Variants in GATM observed in about 807,000 individuals in gnomAD.
The protein encoded by GATM is glycine amidinotransferase, mitochondrial.
GATM carries 23 observed loss-of-function variants against 54.2 expected under a neutral mutation model. The ratio of observed to expected loss-of-function variants is 0.42; its 90% CI spans 0.31 to 0.60. The LOEUF (loss-of-function observed/expected upper bound fraction) is 0.60, where lower values mean the gene tolerates loss of function less well. Ranked by LOEUF, GATM falls within the 20% of genes least tolerant of loss-of-function variation. The pLI is 0.14. For missense variants in GATM, 401 were observed against 544.9 expected (o/e 0.74, Z 2.63); for synonymous variants, 168 against 183.1 (o/e 0.92, Z 0.67).
Position 45,400,975 on chromosome 15 carries a change from T to TA in GATM, c.-530+963dup, listed in dbSNP as rs59542463. On this transcript the variant is annotated intron_variant, in intron 1 of 4. Coordinates refer to the GATM transcript ENST00000561148. Reference sequence around the variant, plus strand: ...TCGGTAAAAACGATGGCTTTTTTTTTATTTCAAAAAATGCAAAGCTGTTAT... The same window carrying TA: ...TCGGTAAAAACGATGGCTTTTTTTTTAATTTCAAAAAATGCAAAGCTGTTAT... Among the ~76,000 whole-genome samples, 313 of 151,944 alleles carry TA rather than the reference T, an allele frequency of 2.1e-3. 1 individual carries two copies. The highest frequency in any genetic ancestry group is 4.3e-3 in the African/African-American group (179 of 41,352).
At chr15:45,379,727 C>G (rs1309378599), upstream of GATM, 1 of 152,412 alleles carries the variant, frequency 6.6e-6, no homozygotes, top group African/African-American at 2.4e-5. Flanking sequence ...GTGGCTCACG[C>G]CTGTAATCCC....
At chr15:45,377,608 C>A (rs1257162513) in intron 1 of GATM, 4 of 243,338 alleles carry the variant, frequency 1.6e-5, no homozygotes, top group Admixed American at 5.1e-5. Context: ...AAATCTCTAT[C>A]CTGCTCTGTT....
At chr15:45,366,565 T>C (rs2140642088) in intron 4 of GATM, 57 bp from the exon 5 acceptor site, 3 of 1,591,388 alleles carry the variant, frequency 1.9e-6, no homozygotes, top group East Asian at 4.5e-5. Context: ...AAATTATTCA[T>C]AAGGCATACA....
At chr15:45,372,990 T>C (rs1889567335) in intron 2 of GATM, among the ~76,000 whole-genome samples, 1 of 152,258 alleles carries the variant, frequency 6.6e-6, no homozygotes, top group African/African-American at 2.4e-5. Flanking sequence ...TATGTCTGCA[T>C]TCCTTGAACC....
chr15:45,398,487 A>G (rs1237232640), intron 2 of GATM, among the ~76,000 whole-genome samples: 1 of 152,226 alleles, frequency 6.6e-6, no homozygotes, highest in Non-Finnish European at 1.5e-5. Flanking sequence ...GAATTACTCT[A>G]AAGACTAATT....
upstream of GATM, among the ~76,000 whole-genome samples, chr15:45,382,935 A>G (rs1356622263): frequency 6.6e-6 from 1 of 152,194 alleles, no homozygotes; most frequent in Non-Finnish European, 1.5e-5. Flanking sequence ...AATTCCAGGT[A>G]AACTGATGGA....
chr15:45,380,346 G>A (rs1050350704), upstream of GATM: 5 of 151,856 alleles, frequency 3.3e-5, no homozygotes, highest in African/African-American at 1.2e-4. Flanking sequence ...AGTAAGTCTA[G>A]GTTCATAACT....
chr15:45,385,389 A>T (rs1889793117), intron 3 of GATM, among the ~76,000 whole-genome samples: 1 of 152,204 alleles, frequency 6.6e-6, no homozygotes, highest in Admixed American at 6.5e-5. Flanking sequence ...GACCAACAAC[A>T]ATTAAAGAAT....
chr15:45,372,191 G>A (rs1331124855), intron 2 of GATM, among the ~76,000 whole-genome samples: 4 of 152,194 alleles, frequency 2.6e-5, no homozygotes, highest in African/African-American at 9.7e-5. Context: ...ATTGTCTATG[G>A]CTGCTTTTGC....
chr15:45,363,867 T>C (rs1306630576), intron 8 of GATM, 33 bp downstream of exon 8: 1 of 1,249,348 alleles, frequency 8.0e-7, no homozygotes, highest in Non-Finnish European at 1.2e-6. Flanking sequence ...AACGTTTTCA[T>C]GTATGACAAC....
rs377578020 is a variant in GATM at position 45,368,180 on chromosome 15, G to A, written c.565C>T (p.Arg189Cys). The change falls in exon 4 of 9, where the codon CGC becomes TGC. Residue 189 changes from arginine (R) to cysteine (C), a missense_variant. Coordinates refer to ENST00000396659, the MANE Select transcript of GATM (RefSeq NM_001482.3). The surrounding 1 kb of genome is among the most constrained non-coding windows in gnomAD (Gnocchi z 5.1). ...CTGTACGCTCGGTACTCAAAGAAGC[G>A]TGAACGCCATGCCATGGGAGCCTCG... Reference protein sequence around the residue: ...IIEAPMAWRSRFFEYRAYRSI... With the variant: ...IIEAPMAWRSCFFEYRAYRSI... 9 of 1,613,988 alleles carry A rather than the reference G, an allele frequency of 5.6e-6. No individual in the cohort carries two copies. In the East Asian group the frequency reaches 6.7e-5, roughly 12 times the overall value.
At chr15:45,362,297 T>C in intron 8 of GATM, 76 bp from the exon 9 acceptor site, 1 of 871,880 alleles carries the variant, frequency 1.1e-6, no homozygotes, top group Non-Finnish European at 1.9e-6. Context: ...GCCTACAGAC[T>C]TGGAGGAGTC....
chr15:45,363,170 G>C (rs1221257630), intron 8 of GATM, among the ~76,000 whole-genome samples: 1 of 152,090 alleles, frequency 6.6e-6, no homozygotes, highest in Non-Finnish European at 1.5e-5. Context: ...TACTCAGGAG[G>C]CTGCGGCAGG....
upstream of GATM, chr15:45,378,689 C>A: frequency 5.1e-6 from 2 of 393,194 alleles, no homozygotes; most frequent in Non-Finnish European, 4.6e-6. Context: ...CGGCCGCTGG[C>A]TCGAGCCTCC....
chr15:45,363,079 T>G (rs946386877), intron 8 of GATM, among the ~76,000 whole-genome samples: 5 of 152,170 alleles, frequency 3.3e-5, no homozygotes, highest in African/African-American at 9.6e-5. Context: ...GGTCAGGAGT[T>G]CGAGACCAGC....
At chr15:45,365,219 T>G (rs1889428989) in intron 6 of GATM, among the ~76,000 whole-genome samples, 2 of 152,200 alleles carry the variant, frequency 1.3e-5, no homozygotes, top group South Asian at 4.1e-4. Context: ...AAAATGTGAC[T>G]ACATCAAACC....
chr15:45,365,920 A>T lies in GATM; in HGVS notation c.978+126T>A, dbSNP rs1281858784. ...AGGAATCCAATGTTTGATCATAATAATGTTGAGTACTGCTGAATCTGTCAT... is the reference window on the plus strand; with the variant it reads ...AGGAATCCAATGTTTGATCATAATATTGTTGAGTACTGCTGAATCTGTCAT... On this transcript the variant is annotated intron_variant, in intron 6 of 8. Transcript: ENST00000396659. The T allele has an allele frequency of 6.9e-5, 59 of 857,964 alleles. 1 individual carries two copies. In the South Asian group the frequency reaches 7.6e-4, roughly 11 times the overall value. 53.1% of individuals were successfully genotyped at this position (857,964 alleles called of 1,614,324 possible).
intron 2 of GATM, among the ~76,000 whole-genome samples, chr15:45,375,495 A>G (rs1324180724): frequency 6.6e-6 from 1 of 152,216 alleles, no homozygotes; most frequent in Non-Finnish European, 1.5e-5. Flanking sequence ...GCACAGGAAG[A>G]TGGATGGAAG....
At chr15:45,364,082 G>C in intron 7 of GATM, 66 bp from the exon 8 acceptor site, 1 of 906,208 alleles carries the variant, frequency 1.1e-6, no homozygotes, top group Non-Finnish European at 1.9e-6. Context: ...GGATTTACAA[G>C]TGAAGAATAT....
Sources: gnomAD v4.1 joint callset for allele counts (sites outside exome capture counted in the v4.1 genomes callset) on GRCh38, gnomAD v4.1.1 for gene constraint, Gnocchi (gnomAD v3.1) non-coding constraint, MANE v1.5 for transcripts, NCBI Gene and HGNC (gene_info 2026-07-23, HGNC 2026-07-21) for gene names.